AKR1E2: variants seen among roughly 807,000 people sequenced by gnomAD.
The protein encoded by AKR1E2 is 1,5-anhydro-D-fructose reductase.
AKR1E2 carries 43 observed loss-of-function variants against 41.9 expected under a neutral mutation model. That is an observed-to-expected ratio of 1.03 (90% CI 0.80 to 1.32). The LOEUF is 1.32. Ranked by LOEUF, AKR1E2 falls within the 40% of genes most tolerant of loss-of-function variation. The pLI is 0.00. For synonymous variants in AKR1E2, 121 were observed against 138.9 expected (o/e 0.87, Z 0.91); for missense variants, 423 against 396.5 (o/e 1.07, Z -0.57).
At chr10:4,871,103 GTA>G in the AKR1E2 span, among the ~76,000 whole-genome samples, 2 of 151,872 alleles carry the variant, frequency 1.3e-5, no homozygotes, top group Non-Finnish European at 2.9e-5. Context: ...TTAATTTTGT[GTA>G]TTGTGTTTTT....
At chr10:4,857,542 C>G in the AKR1E2 span, among the ~76,000 whole-genome samples, 4 of 152,292 alleles carry the variant, frequency 2.6e-5, no homozygotes, top group South Asian at 8.3e-4. Context: ...TTCTATACAG[C>G]CTGTGGAACT....
rs371699570 is a variant in AKR1E2, at chr10:4,835,758, C to A, written c.408C>A (p.Asp136Glu). 2 of 1,614,154 alleles carry A rather than the reference C, an allele frequency of 1.2e-6. No individual in the cohort carries two copies. The highest frequency in any genetic ancestry group is 1.7e-6 in the Non-Finnish European group (2 of 1,180,034). Residue 136 changes from aspartate (D) to glutamate (E), a missense_variant, in exon 4 of 10, where the codon GAC (aspartate) becomes GAA (glutamate). Transcript: ENST00000298375. ...CTCGAGTGCAGGACTTGCCTCTGGA[C>A]GAGAGCAACATGGTTATTCCCAGTG... ...SHPRVQDLPL[D>E]ESNMVIPSDT...
At chr10:4,863,596 G>C in the AKR1E2 span, among the ~76,000 whole-genome samples, 1 of 152,004 alleles carries the variant, frequency 6.6e-6, no homozygotes, top group Non-Finnish European at 1.5e-5. Flanking sequence ...CAGAAGGCAA[G>C]AAATAACTAA....
the AKR1E2 span, among the ~76,000 whole-genome samples, chr10:4,860,360 C>T: frequency 3.9e-5 from 6 of 152,204 alleles, no homozygotes; most frequent in South Asian, 1.2e-3. Context: ...GCCCATCCAA[C>T]TGCTTCTTCG....
intron 1 of AKR1E2, among the ~76,000 whole-genome samples, chr10:4,828,090 G>A (rs896892638): frequency 3.3e-5 from 5 of 152,146 alleles, no homozygotes; most frequent in Non-Finnish European, 7.3e-5. Flanking sequence ...AGACCTATCC[G>A]TTATCTGTTG....
chr10:4,869,021 C>G, the AKR1E2 span, among the ~76,000 whole-genome samples: 6 of 151,836 alleles, frequency 4.0e-5, no homozygotes, highest in Admixed American at 2.0e-4. Context: ...CCGTTTTTGT[C>G]TCATTTTCAT....
intron 8 of AKR1E2, among the ~76,000 whole-genome samples, chr10:4,846,502 G>C (rs1335113522): frequency 6.6e-6 from 1 of 152,040 alleles, no homozygotes; most frequent in Non-Finnish European, 1.5e-5. Context: ...TTGTTTTGTT[G>C]GGGTTTTGAG....
At position 4,837,567 on chromosome 10, in the gene AKR1E2, C is replaced by T. The variant is rs760750969; in HGVS notation, c.568C>T (p.Pro190Ser). ...GAATAAGCCTGGGTTGAGGTTCAAG[C>T]CACTAACCAACCAGGTAAGCCGATG... is the stretch of plus-strand genomic sequence containing the variant. ...LLNKPGLRFK[P>S]LTNQIECHPY... The change falls in exon 5 of 10, where the codon CCA (proline) becomes TCA (serine). Residue 190 changes from proline (P) to serine (S), a missense_variant. Coordinates refer to ENST00000298375, the MANE Select transcript of AKR1E2 (RefSeq NM_001040177.3). 6 of 1,613,470 alleles carry T rather than the reference C, an allele frequency of 3.7e-6. No individual in the cohort carries two copies. In the South Asian group the frequency reaches 6.6e-5, roughly 18 times the overall value.
At chr10:4,860,422 G>A in the AKR1E2 span, among the ~76,000 whole-genome samples, 1 of 152,178 alleles carries the variant, frequency 6.6e-6, no homozygotes, top group Non-Finnish European at 1.5e-5. Context: ...TTTGATAGCT[G>A]TTGTGATGGA....
At chr10:4,844,072 C>T (rs1229215459) in intron 8 of AKR1E2, among the ~76,000 whole-genome samples, 2 of 152,230 alleles carry the variant, frequency 1.3e-5, no homozygotes, top group Non-Finnish European at 2.9e-5. Flanking sequence ...CTTGGTCTCA[C>T]TGACTTCAGG....
intron 3 of AKR1E2, 66 bp downstream of exon 3, chr10:4,833,532 C>T: frequency 7.3e-7 from 1 of 1,375,974 alleles, no homozygotes; most frequent in Non-Finnish European, 1.0e-6. Flanking sequence ...CACACCCTGT[C>T]TTGCGGTGGG....
intron 8 of AKR1E2, among the ~76,000 whole-genome samples, chr10:4,843,311 C>T (rs1242535747): frequency 6.6e-6 from 1 of 152,112 alleles, no homozygotes; most frequent in Non-Finnish European, 1.5e-5. Flanking sequence ...TGTAATGATA[C>T]AGTGAAGGGA....
downstream of AKR1E2, among the ~76,000 whole-genome samples, chr10:4,852,863 G>A (rs1015549091): frequency 8.5e-5 from 13 of 152,106 alleles, no homozygotes; most frequent in African/African-American, 2.9e-4. Context: ...TTCTTCTGAG[G>A]CCTCTCTCCA....
the AKR1E2 span, among the ~76,000 whole-genome samples, chr10:4,854,553 C>A: frequency 3.3e-5 from 5 of 152,198 alleles, no homozygotes; most frequent in East Asian, 9.7e-4. Context: ...TGAGGAACCC[C>A]CCGCCCCGAC....
At chr10:4,837,868 T>C (rs1410183657) in intron 5 of AKR1E2, among the ~76,000 whole-genome samples, 1 of 152,232 alleles carries the variant, frequency 6.6e-6, no homozygotes, top group Non-Finnish European at 1.5e-5. Flanking sequence ...GTCAGGGTCC[T>C]GGCAGGTGCC....
chr10:4,839,631 C>A, intron 5 of AKR1E2, 98 bp from the exon 6 acceptor site: 1 of 1,121,206 alleles, frequency 8.9e-7, no homozygotes, highest in Non-Finnish European at 1.3e-6. Context: ...CCCATGGCTA[C>A]TCGGTGACAG....
At chr10:4,845,433 G>A (rs1324035841) in intron 8 of AKR1E2, among the ~76,000 whole-genome samples, 1 of 150,398 alleles carries the variant, frequency 6.6e-6, no homozygotes, top group Non-Finnish European at 1.5e-5. Context: ...AGGAGGCCCG[G>A]AGAGCTAGTG....
intron 1 of AKR1E2, among the ~76,000 whole-genome samples, chr10:4,830,470 C>G (rs573722525): frequency 2.0e-5 from 3 of 151,712 alleles, no homozygotes; most frequent in South Asian, 2.1e-4. Context: ...TTTTTTTTTC[C>G]CAAAATATGT....
intron 1 of AKR1E2, 30 bp from the exon 2 acceptor site, chr10:4,830,645 A>G: frequency 1.9e-6 from 3 of 1,611,504 alleles, no homozygotes; most frequent in Non-Finnish European, 2.5e-6. Context: ...TCTGACTGTG[A>G]GAAGACACTT....
Sources: gnomAD v4.1 joint callset for allele counts (sites outside exome capture counted in the v4.1 genomes callset) on GRCh38, gnomAD v4.1.1 for gene constraint, MANE v1.5 for transcripts, NCBI Gene and HGNC (gene_info 2026-07-23, HGNC 2026-07-21) for gene names.